Variants in CHST10 observed in about 807,000 individuals in gnomAD.
The protein encoded by CHST10 is HNK-1 sulfotransferase.
Under a neutral mutation model 34.7 loss-of-function variants are expected in CHST10, and 24 were observed. The ratio of observed to expected loss-of-function variants is 0.69; its 90% confidence interval spans 0.50 to 0.97. The LOEUF (loss-of-function observed/expected upper bound fraction) is 0.97. Ranked by LOEUF, CHST10 falls within the 50% of genes least tolerant of loss-of-function variation. The probability of loss-of-function intolerance (pLI) is 0.00; values close to 1 mark genes in which losing one functional copy is unlikely to be tolerated. For missense variants in CHST10, 402 were observed against 452.1 expected (o/e 0.89, Z 1.00); for synonymous variants, 161 against 169.3 (o/e 0.95, Z 0.38).
intron 2 of CHST10, among the ~76,000 whole-genome samples, chr2:100,414,517 C>T (rs1207923838): frequency 6.6e-6 from 1 of 152,156 alleles, no homozygotes; most frequent in Non-Finnish European, 1.5e-5. Context: ...CAATGCATTA[C>T]CCTATCAATA....
intron 2 of CHST10, among the ~76,000 whole-genome samples, chr2:100,411,075 T>C (rs1169632424): frequency 6.6e-6 from 1 of 151,978 alleles, no homozygotes; most frequent in Non-Finnish European, 1.5e-5. Context: ...TTTTGTACTT[T>C]ATACAATTCA....
At position 100,401,882 on chromosome 2, in the gene CHST10, G is replaced by A. The variant is rs137927505; in HGVS notation, c.192+682C>T. 1.5e-3 allele frequency among the ~76,000 whole-genome samples: 232 copies of A among 152,244 alleles called. 3 individuals carry two copies. The highest frequency in any genetic ancestry group is 5.4e-3 in the African/African-American group (224 of 41,560). On this transcript the variant is annotated intron_variant, in intron 4 of 6. Transcript: ENST00000264249. ...TGGGCTAAAAATATTTTTAGGGCTCGCTGTACCCATTTCATTCCTTCTGGA... is the reference window on the plus strand; with the variant it reads ...TGGGCTAAAAATATTTTTAGGGCTCACTGTACCCATTTCATTCCTTCTGGA...
intron 4 of CHST10, among the ~76,000 whole-genome samples, chr2:100,401,210 C>A (rs532607577): frequency 1.4e-4 from 22 of 152,208 alleles, no homozygotes; most frequent in Non-Finnish European, 2.6e-4. Flanking sequence ...CCCAGGCCCA[C>A]AACTTGCTGT....
chr2:100,417,395 C>T lies in CHST10; in HGVS notation c.-125G>A. On this transcript the variant is annotated 5_prime_UTR_variant, in exon 1 of 7. Coordinates refer to ENST00000264249, the MANE Select transcript of CHST10 (RefSeq NM_004854.5). The stretch of plus-strand genomic sequence containing the variant: ...TCACCCTACTGGAGCGGCGCTCGTC[C>T]GGGTCCTTAGGCTCCTCCCCTGGCC... 3.4e-6 allele frequency: 1 copy of T among 290,154 alleles called. No homozygotes were observed. The highest frequency in any genetic ancestry group is 3.2e-5 in the South Asian group (1 of 31,004). The allele number at this position is 290,154 out of a possible 1,614,324, so 18.0% of individuals were successfully genotyped here. A position where few individuals can be genotyped will look rare whatever the true frequency, so the allele number is the denominator to read the frequency against.
chr2:100,393,555 A>C lies in CHST10; in HGVS notation c.761T>G (p.Leu254Arg). 1 of 1,614,090 alleles carries C rather than the reference A, an allele frequency of 6.2e-7. No individual in the cohort carries two copies. The highest frequency in any genetic ancestry group is 1.1e-5 in the South Asian group (1 of 91,062). The part of the protein sequence containing the change: ...LGDPNHRWLD[L>R]QFGDHIIHWV... ...GTGAATGATGTGGTCCCCAAACTGA[A>C]GGTCTAGCCATCTGTGGTTCGGATC... Residue 254 changes from leucine to arginine, a missense_variant, in exon 7 of 7, where the codon CTT (leucine) becomes CGT (arginine). Coordinates refer to ENST00000264249, the MANE Select transcript of CHST10 (RefSeq NM_004854.5).
chr2:100,416,855 G>A (rs1676088646), intron 1 of CHST10: 1 of 715,708 alleles, frequency 1.4e-6, no homozygotes, highest in Non-Finnish European at 2.1e-6. Context: ...CACCTTCCCA[G>A]CCAGAAGTGC....
At chr2:100,410,615 C>T (rs1247311205) in intron 2 of CHST10, among the ~76,000 whole-genome samples, 2 of 152,150 alleles carry the variant, frequency 1.3e-5, no homozygotes, top group Non-Finnish European at 2.9e-5. Flanking sequence ...AATGAGGCCC[C>T]CTTTCAACCT....
intron 1 of CHST10, chr2:100,416,933 AC>A: frequency 7.7e-7 from 1 of 1,297,848 alleles, no homozygotes. Context: ...GGCTCAGGGC[AC>A]CCCGGGGCCC....
At chr2:100,402,760 T>C (rs1675402017) in intron 3 of CHST10, 105 bp from the exon 4 acceptor site, 3 of 965,148 alleles carry the variant, frequency 3.1e-6, no homozygotes, top group South Asian at 1.5e-5. Context: ...GATGCCCAAA[T>C]GCCTTTTGAC....
At chr2:100,409,059 G>A (rs750588374) in intron 2 of CHST10, among the ~76,000 whole-genome samples, 29 of 152,158 alleles carry the variant, frequency 1.9e-4, no homozygotes, top group Non-Finnish European at 3.7e-4. Flanking sequence ...AAGAGGCACT[G>A]CCTCCCTCCT....
chr2:100,403,354 C>T (rs544899543), intron 3 of CHST10, among the ~76,000 whole-genome samples: 4 of 152,246 alleles, frequency 2.6e-5, no homozygotes, highest in South Asian at 2.1e-4. Flanking sequence ...ACATTCCCTT[C>T]GCTGAGGGGG....
chr2:100,393,618 CG>C lies in CHST10; in HGVS notation c.697del (p.Arg233GlyfsTer20). On this transcript the variant is annotated frameshift_variant, in exon 7 of 7. Transcript: ENST00000264249. LOFTEE classifies it high-confidence loss of function. ...CACGAAATCTTCAAACTGGATCCCC[CG>C]GGTCTCTGTCCGGTTCCTCCTGTAT... ...RKYRRNRTET[R>X]GIQFEDFVRY... 6.2e-7 allele frequency: 1 copy of C among 1,614,102 alleles called. No individual in the cohort carries two copies. Among genetic ancestry groups the C allele is most frequent in the Non-Finnish European group, 8.5e-7 (1 of 1,180,014 alleles).
intron 2 of CHST10, among the ~76,000 whole-genome samples, chr2:100,413,877 G>A (rs1381713826): frequency 1.3e-5 from 2 of 152,078 alleles, no homozygotes; most frequent in Admixed American, 6.5e-5. Flanking sequence ...ACTTAACTCT[G>A]CTTAACCAGG....
At chr2:100,406,763 GA>G in intron 2 of CHST10, 56 bp from the exon 3 acceptor site, 1 of 1,541,116 alleles carries the variant, frequency 6.5e-7, no homozygotes. Flanking sequence ...AGTCAACAAA[GA>G]GGAATGAAAA....
intron 3 of CHST10, among the ~76,000 whole-genome samples, chr2:100,406,256 G>A (rs1422326303): frequency 3.3e-5 from 5 of 152,148 alleles, no homozygotes; most frequent in South Asian, 2.1e-4. Flanking sequence ...CCTGAGAGGC[G>A]CCCTGCTGCA....
chr2:100,398,717 A>G (rs978599276), intron 4 of CHST10, among the ~76,000 whole-genome samples: 1 of 152,304 alleles, frequency 6.6e-6, no homozygotes, highest in East Asian at 1.9e-4. Flanking sequence ...TTGGGGGAAA[A>G]AAGAAATTAA....
chr2:100,397,917 C>A lies in CHST10; in HGVS notation c.418G>T (p.Val140Phe). The A allele has an allele frequency of 6.2e-7, 1 of 1,611,662 alleles. No homozygotes were observed. The highest frequency in any genetic ancestry group is 1.7e-5 in the Admixed American group (1 of 59,950). Reference protein sequence around the residue: ...GNTQWKKVLIVLNGAFSSIEE... With the variant: ...GNTQWKKVLIFLNGAFSSIEE... ...GTAGACCCACACACACCATTTAGAA[C>A]AATCAGCACTTTCTTCCACTGGGTG... is the stretch of plus-strand genomic sequence containing the variant. Residue 140 changes from valine to phenylalanine, a missense_variant, in exon 5 of 7, where the codon GTT becomes TTT. Physicochemically the swap from Val to Phe is conservative, Grantham distance 50. Coordinates refer to ENST00000264249, the MANE Select transcript of CHST10 (RefSeq NM_004854.5).
At chr2:100,414,380 A>G (rs1675975819) in intron 2 of CHST10, among the ~76,000 whole-genome samples, 1 of 152,036 alleles carries the variant, frequency 6.6e-6, no homozygotes, top group Non-Finnish European at 1.5e-5. Context: ...ACACACACAC[A>G]CAAAAACCTG....
At chr2:100,413,868 C>A (rs1558647625) in intron 2 of CHST10, among the ~76,000 whole-genome samples, 1 of 152,186 alleles carries the variant, frequency 6.6e-6, no homozygotes, top group Non-Finnish European at 1.5e-5. Flanking sequence ...AATAAGCCCA[C>A]TTAACTCTGC....
Sources: allele counts gnomAD v4.1 joint callset (sites outside exome capture counted in the v4.1 genomes callset), GRCh38; gene constraint gnomAD v4.1.1; transcripts MANE v1.5; gene names NCBI Gene and HGNC (gene_info 2026-07-23, HGNC 2026-07-21).